LARS2: variants seen among roughly 807,000 people sequenced by gnomAD.
LARS2 encodes the protein leucine--tRNA ligase, mitochondrial.
LARS2 carries 81 observed loss-of-function variants against 116.6 expected under a neutral mutation model. The ratio of observed to expected loss-of-function variants is 0.69; its 90% confidence interval spans 0.58 to 0.84. The LOEUF (loss-of-function observed/expected upper bound fraction) is 0.84. LARS2 is among the 40% of genes least tolerant of loss of function. The pLI, the probability that LARS2 is intolerant of heterozygous loss-of-function variation, is 0.00. For synonymous variants in LARS2, 396 were observed against 407.2 expected (o/e 0.97, Z 0.33); for missense variants, 968 against 1,114.5 (o/e 0.87, Z 1.87).
rs796553527 is a variant in LARS2 at position 45,430,081 on chromosome 3, G to A, written c.516+10352G>A. 4.6e-4 allele frequency among the ~76,000 whole-genome samples: 57 copies of A among 125,222 alleles called. 2 individuals are homozygous for A. Among genetic ancestry groups the A allele is most frequent in the African/African-American group, 1.4e-3 (50 of 34,500 alleles). The allele number at this position is 125,222 out of a possible 152,430, so 82.2% of individuals were successfully genotyped here. A position where few individuals can be genotyped will look rare whatever the true frequency, so the allele number is the denominator to read the frequency against. On this transcript the variant is annotated intron_variant, in intron 6 of 21. Coordinates refer to ENST00000645846, the MANE Select transcript of LARS2 (RefSeq NM_015340.4). ...GGCTGGAGTGTAGTGGCGCGATCTC[G>A]GCTCCCTGCAAGCTTGGCCTCCTGG...
rs573354066 is a variant in LARS2 at position 45,430,877 on chromosome 3, G to A, written c.516+11148G>A. On this transcript the variant is annotated intron_variant, in intron 6 of 21. Transcript: ENST00000645846. ...TGGGATTATAGGCTTGAGCCACTGC[G>A]CCCGGCCCAATTTTTATTTTTTAAT... Among the ~76,000 whole-genome samples, 6 of 152,224 alleles carry A rather than the reference G, an allele frequency of 3.9e-5. No individual in the cohort carries two copies. The South Asian group carries it at 1.2e-3, about 32-fold the overall frequency.
chr3:45,453,137 T>G (rs1051060722), intron 7 of LARS2, among the ~76,000 whole-genome samples: 1 of 152,122 alleles, frequency 6.6e-6, no homozygotes, highest in African/African-American at 2.4e-5. Flanking sequence ...TTTTTCTTTC[T>G]TTTCTTTCTT....
At chr3:45,396,912 C>T (rs1264488100) in intron 3 of LARS2, among the ~76,000 whole-genome samples, 3 of 152,164 alleles carry the variant, frequency 2.0e-5, no homozygotes, top group African/African-American at 2.4e-5. Context: ...GCAAACTGAT[C>T]CCAGAAGGCA....
intron 6 of LARS2, among the ~76,000 whole-genome samples, chr3:45,426,622 A>T (rs1698598315): frequency 6.6e-6 from 1 of 152,170 alleles, no homozygotes; most frequent in South Asian, 2.1e-4. Context: ...GCCAGGGACC[A>T]CATCTCATTA....
At chr3:45,473,537 C>G (rs886958066) in intron 8 of LARS2, among the ~76,000 whole-genome samples, 2 of 151,854 alleles carry the variant, frequency 1.3e-5, no homozygotes, top group African/African-American at 2.4e-5. Context: ...GCAAGCACCA[C>G]CACGCCTGGC....
At chr3:45,392,623 A>C (rs1697975352) in intron 2 of LARS2, among the ~76,000 whole-genome samples, 1 of 151,848 alleles carries the variant, frequency 6.6e-6, no homozygotes. Context: ...TTAAGTCTGC[A>C]CTTTATTCTA....
chr3:45,471,201 T>G (rs750470440), intron 8 of LARS2, among the ~76,000 whole-genome samples: 22 of 152,170 alleles, frequency 1.4e-4, no homozygotes, highest in Admixed American at 9.8e-4. Flanking sequence ...GGAAAGGTTA[T>G]CAGCAGCTAT....
chr3:45,447,469 A>G (rs1170356548), intron 7 of LARS2, among the ~76,000 whole-genome samples: 1 of 152,218 alleles, frequency 6.6e-6, no homozygotes, highest in African/African-American at 2.4e-5. Flanking sequence ...GCCCTGTCCT[A>G]ATAAATGGAT....
At chr3:45,453,859 T>A (rs185501155) in intron 7 of LARS2, among the ~76,000 whole-genome samples, 25 of 149,966 alleles carry the variant, frequency 1.7e-4, no homozygotes, top group African/African-American at 5.1e-4. Context: ...TTTGATAGTT[T>A]AAAAAAAAAA....
intron 15 of LARS2, among the ~76,000 whole-genome samples, chr3:45,512,212 C>A (rs997581253): frequency 3.3e-5 from 5 of 152,204 alleles, no homozygotes; most frequent in African/African-American, 1.2e-4. Context: ...TTGTGGGGAA[C>A]ATCACTGGAT....
chr3:45,448,307 G>C (rs763841142), intron 7 of LARS2, among the ~76,000 whole-genome samples: 28 of 152,218 alleles, frequency 1.8e-4, no homozygotes, highest in Non-Finnish European at 3.7e-4. Flanking sequence ...ACACTAGGCT[G>C]CTCCCAGTCA....
intron 18 of LARS2, among the ~76,000 whole-genome samples, chr3:45,518,749 T>A (rs1370576206): frequency 6.6e-6 from 1 of 152,186 alleles, no homozygotes; most frequent in African/African-American, 2.4e-5. Flanking sequence ...AAAAAAGTTA[T>A]GCTGATTCAG....
rs748203447 is a variant in LARS2, at chr3:45,547,318, C to T, written c.2533-33C>T. The T allele has an allele frequency of 3.2e-6, 5 of 1,575,854 alleles. No individual in the cohort carries two copies. In the South Asian group the frequency reaches 5.9e-5, roughly 19 times the overall value. On this transcript the variant is annotated intron_variant, in intron 21 of 21. Transcript: ENST00000645846. Reference sequence around the variant, plus strand: ...GCCGCCTGCCACTCTGAGGATGTTCCTCATTGTTTATCTTGGCTTTTCTCC... The same window carrying T: ...GCCGCCTGCCACTCTGAGGATGTTCTTCATTGTTTATCTTGGCTTTTCTCC...
At chr3:45,448,457 G>T (rs779294775) in intron 7 of LARS2, among the ~76,000 whole-genome samples, 6 of 152,076 alleles carry the variant, frequency 3.9e-5, no homozygotes, top group Non-Finnish European at 8.8e-5. Flanking sequence ...CAGCTCGGTC[G>T]GGGAGACCCT....
At chr3:45,435,486 G>T (rs1477477148) in intron 6 of LARS2, among the ~76,000 whole-genome samples, 2 of 152,158 alleles carry the variant, frequency 1.3e-5, no homozygotes, top group Admixed American at 1.3e-4. Flanking sequence ...GAAGTAGAAT[G>T]GTTATTGTCT....
chr3:45,417,130 A>G (rs544187517), intron 4 of LARS2, among the ~76,000 whole-genome samples: 8 of 151,812 alleles, frequency 5.3e-5, no homozygotes, highest in African/African-American at 1.4e-4. Flanking sequence ...GAAAGCCTAT[A>G]CATTATGTGT....
In LARS2 at chr3:45,529,275, G is replaced by A. The variant is rs765864802; in HGVS notation, c.2404+5167G>A. 5.0e-4 allele frequency among the ~76,000 whole-genome samples: 76 copies of A among 152,150 alleles called. No homozygotes were observed. The Middle Eastern group carries it at 0.01, about 20-fold the overall frequency. On this transcript the variant is annotated intron_variant, in intron 20 of 21. Coordinates refer to ENST00000645846, the MANE Select transcript of LARS2 (RefSeq NM_015340.4). ...ATAGTTATACATTATTTTTTTAAAA[G>A]CTAAGTAGCCGCCGGGCACGGTAGC...
At chr3:45,539,083 G>A (rs550389289) in intron 20 of LARS2, among the ~76,000 whole-genome samples, 3 of 152,264 alleles carry the variant, frequency 2.0e-5, no homozygotes, top group South Asian at 2.1e-4. Flanking sequence ...ATAGGGAAGG[G>A]AAGATATATT....
chr3:45,417,460 A>G lies in LARS2; in HGVS notation c.364-22A>G, dbSNP rs1326765564. ...AGTTATTAATGATTTGCCATGGTTG[A>G]TGTTCCTCTTCTGGGTCCTAGGTCA... On this transcript the variant is annotated intron_variant, in intron 4 of 21. Transcript: ENST00000645846. The G allele has an allele frequency of 5.7e-6, 9 of 1,574,624 alleles. No homozygotes were observed. In the Admixed American group the frequency reaches 1.0e-4, roughly 18 times the overall value.
Sources: allele counts gnomAD v4.1 joint callset (sites outside exome capture counted in the v4.1 genomes callset), GRCh38; gene constraint gnomAD v4.1.1; transcripts MANE v1.5; gene names NCBI Gene and HGNC (gene_info 2026-07-23, HGNC 2026-07-21).